Variants in AGBL4 observed in about 807,000 individuals in gnomAD.
AGBL4 encodes the protein AGBL carboxypeptidase 4, also known as cytosolic carboxypeptidase 6.
AGBL4 carries 58 observed loss-of-function variants against 66.4 expected under a neutral mutation model. That is an observed-to-expected ratio of 0.87 (90% CI 0.71 to 1.09). The LOEUF (loss-of-function observed/expected upper bound fraction) is 1.09, where lower values mean the gene tolerates loss of function less well. AGBL4 is among the 50% of genes least tolerant of loss of function. The pLI is 0.00. For missense variants in AGBL4, 579 were observed against 631.0 expected, an observed-to-expected ratio of 0.92 and a Z score of 0.88; for synonymous variants, 234 against 222.9, an observed-to-expected ratio of 1.05 and a Z score of -0.44.
chr1:49,905,813 T>G (rs778013361), intron 1 of AGBL4, among the ~76,000 whole-genome samples: 25 of 152,062 alleles, frequency 1.6e-4, no homozygotes, highest in Non-Finnish European at 3.2e-4. Context: ...AAAAATATAT[T>G]AAGCATATAT....
At chr1:48,841,404 C>G (rs958700898) in intron 6 of AGBL4, among the ~76,000 whole-genome samples, 6 of 128,832 alleles carry the variant, frequency 4.7e-5, no homozygotes, top group Admixed American at 1.5e-4. Context: ...TACAAAACCC[C>G]CCCCCCCCAA....
At chr1:49,030,910 T>C (rs1346529785) in intron 5 of AGBL4, among the ~76,000 whole-genome samples, 1 of 150,208 alleles carries the variant, frequency 6.7e-6, no homozygotes, top group Non-Finnish European at 1.5e-5. Context: ...AATGATACCA[T>C]CAAGAAAGTG....
chr1:48,779,447 C>G (rs1034808278), intron 6 of AGBL4, among the ~76,000 whole-genome samples: 1 of 152,156 alleles, frequency 6.6e-6, no homozygotes, highest in Admixed American at 6.5e-5. Flanking sequence ...CTTTGTGAAG[C>G]CTTTCCCAAC....
At chr1:49,952,360 T>C (rs144930951) in intron 1 of AGBL4, among the ~76,000 whole-genome samples, 19 of 151,906 alleles carry the variant, frequency 1.3e-4, no homozygotes, top group Non-Finnish European at 2.4e-4. Flanking sequence ...AAGTGGTGTA[T>C]ATAAAATCAC....
intron 5 of AGBL4, among the ~76,000 whole-genome samples, chr1:48,963,481 T>C (rs992591465): frequency 6.6e-6 from 1 of 151,992 alleles, no homozygotes; most frequent in African/African-American, 2.4e-5. Flanking sequence ...CAATGACAAC[T>C]TAAAATGTGT....
At chr1:49,160,932 A>C in intron 4 of AGBL4, among the ~76,000 whole-genome samples, 1 of 152,172 alleles carries the variant, frequency 6.6e-6, no homozygotes, top group East Asian at 1.9e-4. Context: ...GGTCAACCTC[A>C]GACTGCTGTG....
At chr1:49,468,660 T>A (rs1198106872) in intron 3 of AGBL4, among the ~76,000 whole-genome samples, 1 of 151,794 alleles carries the variant, frequency 6.6e-6, no homozygotes, top group Non-Finnish European at 1.5e-5. Context: ...TCAGCATTAT[T>A]TTTTTACAAT....
chr1:49,802,474 T>C (rs558229533), intron 2 of AGBL4, among the ~76,000 whole-genome samples: 4 of 152,176 alleles, frequency 2.6e-5, no homozygotes, highest in Non-Finnish European at 5.9e-5. Flanking sequence ...TAATCATAGG[T>C]TATGGAAAAA....
At chr1:49,346,769 C>T (rs1472255616) in intron 3 of AGBL4, among the ~76,000 whole-genome samples, 2 of 152,146 alleles carry the variant, frequency 1.3e-5, no homozygotes, top group African/African-American at 4.8e-5. Context: ...TTCTACAACT[C>T]TTAGGATTAA....
At chr1:49,837,060 C>T (rs79212188) in intron 2 of AGBL4, among the ~76,000 whole-genome samples, 123 of 152,324 alleles carry the variant, frequency 8.1e-4, no homozygotes, top group African/African-American at 2.8e-3. Flanking sequence ...AGGCAGTCTG[C>T]CCCTTAGCAG....
intron 2 of AGBL4, chr1:49,844,731 G>A (rs201778383): frequency 7.5e-6 from 12 of 1,604,478 alleles, no homozygotes; most frequent in Middle Eastern, 3.3e-4. Context: ...CAGTTCTAAA[G>A]CAACGTATCT....
chr1:49,719,722 T>A (rs556717380), intron 2 of AGBL4, among the ~76,000 whole-genome samples: 1 of 152,248 alleles, frequency 6.6e-6, no homozygotes, highest in South Asian at 2.1e-4. Context: ...GAATTGTAGT[T>A]CCTATAATTC....
rs572875263 is a variant in AGBL4, at chr1:49,956,658, G to T, written c.34+67105C>A. On this transcript the variant is annotated intron_variant, in intron 1 of 13. Coordinates refer to ENST00000371839, the MANE Select transcript of AGBL4 (RefSeq NM_032785.4). Reference sequence around the variant, plus strand: ...GCTTGATCCTCATTTAAAACATAAGGTTCAAATGAGATAAGATGTCAAAAA... The same window carrying T: ...GCTTGATCCTCATTTAAAACATAAGTTTCAAATGAGATAAGATGTCAAAAA... Among the ~76,000 whole-genome samples, 357 of 151,874 alleles carry T rather than the reference G, an allele frequency of 2.4e-3. 3 individuals are homozygous for T. Among genetic ancestry groups the T allele is most frequent in the Admixed American group, 2.8e-3 (43 of 15,226 alleles).
At chr1:48,808,260 C>A (rs1395011123) in intron 6 of AGBL4, among the ~76,000 whole-genome samples, 1 of 152,188 alleles carries the variant, frequency 6.6e-6, no homozygotes, top group Non-Finnish European at 1.5e-5. Context: ...TCTTTTATAG[C>A]ACTTTGTTTA....
At chr1:49,919,881 CA>C (rs1334669403) in intron 1 of AGBL4, among the ~76,000 whole-genome samples, 1 of 152,112 alleles carries the variant, frequency 6.6e-6, no homozygotes, top group Admixed American at 6.5e-5. Flanking sequence ...GTAGTGGTAC[CA>C]AAACAGAGAT....
At chr1:49,335,737 A>C (rs558408548) in intron 3 of AGBL4, among the ~76,000 whole-genome samples, 2 of 152,032 alleles carry the variant, frequency 1.3e-5, no homozygotes, top group African/African-American at 2.4e-5. Context: ...GGATGGTCTC[A>C]ATCTCCTGAC....
At chr1:49,015,579 C>A (rs563724223) in intron 5 of AGBL4, among the ~76,000 whole-genome samples, 3 of 151,722 alleles carry the variant, frequency 2.0e-5, no homozygotes, top group African/African-American at 4.8e-5. Context: ...CCCGCCACCA[C>A]GCCTGGCTAA....
intron 3 of AGBL4, among the ~76,000 whole-genome samples, chr1:49,414,221 T>A (rs1264691599): frequency 6.6e-6 from 1 of 152,168 alleles, no homozygotes; most frequent in African/African-American, 2.4e-5. Context: ...CCATATAGTG[T>A]AGTGCTATAT....
At position 49,588,366 on chromosome 1, in the gene AGBL4, C is replaced by A. The variant is rs371708854; in HGVS notation, c.282+108947G>T. 2.6e-5 allele frequency among the ~76,000 whole-genome samples: 4 copies of A among 152,090 alleles called. 1 individual carries two copies. The highest frequency in any genetic ancestry group is 9.7e-5 in the African/African-American group (4 of 41,416). On this transcript the variant is annotated intron_variant, in intron 3 of 13. Transcript: ENST00000371839. ...GCTCCTTAAGGACAGAGACTGAATCCGTCTCATTCATTGTTGTATTCCTAG... is the reference window on the plus strand; with the variant it reads ...GCTCCTTAAGGACAGAGACTGAATCAGTCTCATTCATTGTTGTATTCCTAG...
Sources: allele counts gnomAD v4.1 joint callset (sites outside exome capture counted in the v4.1 genomes callset), GRCh38; gene constraint gnomAD v4.1.1; transcripts MANE v1.5; gene names NCBI Gene and HGNC (gene_info 2026-07-23, HGNC 2026-07-21).